Variants in KLF7 observed in about 807,000 individuals in gnomAD.
The protein encoded by KLF7 is Krueppel-like factor 7.
Under a neutral mutation model 27.3 loss-of-function variants are expected in KLF7, and 2 were observed. The ratio of observed to expected loss-of-function variants is 0.07; its 90% CI spans 0.03 to 0.23. KLF7 has a LOEUF of 0.23. KLF7 is among the 10% of genes least tolerant of loss of function. The pLI is 1.00. For missense variants in KLF7, 221 were observed against 394.1 expected (o/e 0.56, Z 3.72); for synonymous variants, 165 against 162.4 (o/e 1.02, Z -0.12).
intron 1 of KLF7, among the ~76,000 whole-genome samples, chr2:207,155,262 C>A (rs1308482414): frequency 1.3e-5 from 2 of 152,194 alleles, no homozygotes; most frequent in African/African-American, 4.8e-5. Context: ...GTGTCTGATA[C>A]ATATGAGACA....
At chr2:207,109,135 A>G (rs1559127397) in intron 2 of KLF7, among the ~76,000 whole-genome samples, 1 of 152,268 alleles carries the variant, frequency 6.6e-6, no homozygotes, top group Non-Finnish European at 1.5e-5. Flanking sequence ...TACCACTTCA[A>G]GAATCAATAC....
At chr2:207,116,851 T>G (rs1476007966) in intron 2 of KLF7, among the ~76,000 whole-genome samples, 2 of 152,142 alleles carry the variant, frequency 1.3e-5, no homozygotes, top group African/African-American at 4.8e-5. Context: ...ATTCCTCTTT[T>G]CTCTTCTCCT....
chr2:207,104,474 G>C (rs1413891489), intron 2 of KLF7, among the ~76,000 whole-genome samples: 1 of 152,164 alleles, frequency 6.6e-6, no homozygotes, highest in Non-Finnish European at 1.5e-5. Flanking sequence ...TGGGTGATAG[G>C]GTTTTTTAAA....
intron 1 of KLF7, among the ~76,000 whole-genome samples, chr2:207,165,045 T>A (rs2078665233): frequency 8.7e-6 from 1 of 115,210 alleles, no homozygotes; most frequent in Non-Finnish European, 1.6e-5. Flanking sequence ...TTGAAACAGA[T>A]GAACCTGATT....
intron 2 of KLF7, 49 bp downstream of exon 2, chr2:207,123,725 C>T: frequency 6.4e-7 from 1 of 1,566,382 alleles, no homozygotes; most frequent in Non-Finnish European, 8.7e-7. Context: ...CATGACGAGG[C>T]TACAGGAGGG....
chr2:207,124,130 T>C lies in KLF7; in HGVS notation c.377A>G (p.Asn126Ser), dbSNP rs375295716. ...GGTCACTGCGTTGAGCTGGGCCTGGTTGACGGCTGTGTAGCTGTCTAGAGA... is the reference window on the plus strand; with the variant it reads ...GGTCACTGCGTTGAGCTGGGCCTGGCTGACGGCTGTGTAGCTGTCTAGAGA... ...SSSLDSYTAVNQAQLNAVTSL... is the reference protein window; with the variant it reads ...SSSLDSYTAVSQAQLNAVTSL... Residue 126 changes from asparagine (N) to serine (S), a missense_variant, in exon 2 of 4, where the codon AAC becomes AGC. Asn to Ser is a conservative substitution (Grantham distance 46, BLOSUM62 1). This residue lies in a region of KLF7 where 180 missense variants were observed against 227.9 expected (regional missense o/e 0.79). Coordinates refer to ENST00000309446, the MANE Select transcript of KLF7 (RefSeq NM_003709.4). The C allele has an allele frequency of 3.4e-5, 55 of 1,614,060 alleles. No individual in the cohort carries two copies. Among genetic ancestry groups the C allele is most frequent in the Non-Finnish European group, 4.4e-5 (52 of 1,180,040 alleles).
Position 207,123,754 on chromosome 2 carries a change from C to A in KLF7, c.733+20G>T, listed in dbSNP as rs376752721. ...AGGAGGGGAAAGAAGAAACCACGTG[C>A]GGCCAACTTGTACCACTACCTGTGT... On this transcript the variant is annotated intron_variant, in intron 2 of 3. Transcript: ENST00000309446. 1.3e-6 allele frequency: 2 copies of A among 1,596,120 alleles called. No individual in the cohort carries two copies. Among genetic ancestry groups the A allele is most frequent in the South Asian group, 1.1e-5 (1 of 88,240 alleles).
At chr2:207,104,214 T>C (rs2076829350) in intron 2 of KLF7, among the ~76,000 whole-genome samples, 1 of 152,242 alleles carries the variant, frequency 6.6e-6, no homozygotes, top group Non-Finnish European at 1.5e-5. Flanking sequence ...ATCTCATATC[T>C]CATCTGCTGT....
At chr2:207,112,705 A>T (rs2077069706) in intron 2 of KLF7, among the ~76,000 whole-genome samples, 1 of 152,246 alleles carries the variant, frequency 6.6e-6, no homozygotes. Flanking sequence ...CTTCACTTCT[A>T]AAGAATCTTC....
intron 2 of KLF7, among the ~76,000 whole-genome samples, chr2:207,111,230 G>A (rs2244786): frequency 0.4 from 60,441 of 151,992 alleles, 12,625 homozygotes; most frequent in African/African-American, 0.52. Flanking sequence ...AGGATGTCCC[G>A]ATACCCTCCT....
chr2:207,093,827 TG>T (rs1371243850), intron 2 of KLF7, among the ~76,000 whole-genome samples: 5 of 152,228 alleles, frequency 3.3e-5, no homozygotes, highest in East Asian at 3.8e-4. Flanking sequence ...GGTATTAAAC[TG>T]GTTTACGAGG....
chr2:207,116,813 T>C (rs1299316536), intron 2 of KLF7, among the ~76,000 whole-genome samples: 2 of 152,216 alleles, frequency 1.3e-5, no homozygotes, highest in African/African-American at 2.4e-5. Context: ...TAAAATTCTA[T>C]TACTTTCACT....
At chr2:207,093,064 T>C (rs1198877957) in intron 2 of KLF7, among the ~76,000 whole-genome samples, 1 of 152,134 alleles carries the variant, frequency 6.6e-6, no homozygotes, top group Non-Finnish European at 1.5e-5. Flanking sequence ...AAGCAATCCT[T>C]TGAAAATGTA....
chr2:207,134,161 T>TTTTTC, intron 1 of KLF7: 1 of 1,477,046 alleles, frequency 6.8e-7, no homozygotes, highest in Non-Finnish European at 8.9e-7. Flanking sequence ...GGGATTTTTT[T>TTTTTC]TTTTTTTTTT....
intron 1 of KLF7, among the ~76,000 whole-genome samples, chr2:207,132,286 T>C (rs2077656679): frequency 6.6e-6 from 1 of 152,228 alleles, no homozygotes; most frequent in Non-Finnish European, 1.5e-5. Flanking sequence ...ACAACAAATG[T>C]TAAGACTGCA....
At chr2:207,116,402 T>A (rs894457980) in intron 2 of KLF7, among the ~76,000 whole-genome samples, 8 of 152,314 alleles carry the variant, frequency 5.3e-5, no homozygotes, top group African/African-American at 1.9e-4. Context: ...CCAATTTGTT[T>A]AAAAAAATTA....
chr2:207,079,675 A>G lies in KLF7; in HGVS notation c.*1538T>C, dbSNP rs2105840218. The G allele has an allele frequency of 6.6e-6, 1 of 152,092 alleles. No individual in the cohort carries two copies. The allele number at this position is 152,092 out of a possible 1,614,324, so 9.4% of individuals were successfully genotyped here. A position where few individuals can be genotyped will look rare whatever the true frequency, so the allele number is the denominator to read the frequency against. On this transcript the variant is annotated 3_prime_UTR_variant, in exon 4 of 4. Coordinates refer to ENST00000309446, the MANE Select transcript of KLF7 (RefSeq NM_003709.4). ...AAGTAAGGACTGTAGACTCCTTTGG[A>G]GTCAGCTTGCAGAGTAAATGTGAGG... is the stretch of plus-strand genomic sequence containing the variant.
chr2:207,118,710 A>G (rs1204495260), intron 2 of KLF7, among the ~76,000 whole-genome samples: 1 of 152,230 alleles, frequency 6.6e-6, no homozygotes, highest in Non-Finnish European at 1.5e-5. Context: ...TTGGGTTAGT[A>G]TAAGGATTAA....
intron 2 of KLF7, among the ~76,000 whole-genome samples, chr2:207,101,342 CA>C (rs2076760733): frequency 6.6e-6 from 1 of 152,160 alleles, no homozygotes; most frequent in African/African-American, 2.4e-5. Flanking sequence ...ACATGAGACT[CA>C]ATATGTTTGA....
Sources: allele counts gnomAD v4.1 joint callset (sites outside exome capture counted in the v4.1 genomes callset), GRCh38; gene constraint gnomAD v4.1.1; regional missense constraint gnomAD v4.1.1; transcripts MANE v1.5; gene names NCBI Gene and HGNC (gene_info 2026-07-23, HGNC 2026-07-21).